Variants in ZNF423 observed in about 807,000 individuals in gnomAD.
ZNF423 encodes Ebf-associated zinc finger protein.
A neutral mutation model predicts 95.8 loss-of-function variants in ZNF423; 12 were observed. That is an observed-to-expected ratio of 0.13 (90% CI 0.08 to 0.20). The LOEUF is 0.20. Among genes scored for constraint, ZNF423 ranks in the 10% least tolerant of loss-of-function variants. The pLI is 1.00. For missense variants in ZNF423, 1,316 were observed against 1,737.1 expected, an observed-to-expected ratio of 0.76 and a Z score of 4.31; for synonymous variants, 749 against 711.9, an observed-to-expected ratio of 1.05 and a Z score of -0.83.
chr16:49,593,600 C>T (rs1360342975), intron 5 of ZNF423, among the ~76,000 whole-genome samples: 2 of 151,802 alleles, frequency 1.3e-5, no homozygotes, highest in African/African-American at 2.4e-5. Context: ...CTTCCAAACT[C>T]TACCCTGACT....
Position 49,637,982 on chromosome 16 carries a change from C to G in ZNF423, c.1194G>C (p.Pro398=), listed in dbSNP as rs61747467. Residue 398 remains proline, a synonymous_variant, in exon 4 of 8, where the codon CCG becomes CCC. Coordinates refer to ENST00000563137, the MANE Select transcript of ZNF423 (RefSeq NM_001379286.1). This position sits in a 1 kb window ranked among gnomAD's most constrained non-coding sequence, Gnocchi z 5.6. ...CCCGCATCTTCTTCTGCCCCCGCAG[C>G]GGCTTCAAGGTGGAGTCCGGGGTGG... ...RGSTPDSTLK[P]LRGQKKMRDD... The G allele has an allele frequency of 3.0e-5, 48 of 1,613,990 alleles. No individual in the cohort carries two copies. In the East Asian group the frequency reaches 8.2e-4, roughly 28 times the overall value.
intron 5 of ZNF423, among the ~76,000 whole-genome samples, chr16:49,536,849 G>A (rs986963231): frequency 2.0e-5 from 3 of 152,200 alleles, no homozygotes; most frequent in East Asian, 3.8e-4. Flanking sequence ...AACTTCATTT[G>A]GAAAGCATTG....
intron 5 of ZNF423, among the ~76,000 whole-genome samples, chr16:49,604,281 G>A (rs964653875): frequency 2.0e-5 from 3 of 152,134 alleles, no homozygotes; most frequent in African/African-American, 7.2e-5. Context: ...TCACCATTGG[G>A]GTCACAGAGG....
intron 5 of ZNF423, among the ~76,000 whole-genome samples, chr16:49,532,378 C>T (rs1448690557): frequency 6.6e-6 from 1 of 152,192 alleles, no homozygotes; most frequent in African/African-American, 2.4e-5. Flanking sequence ...CACCACGCTG[C>T]TCCCATTTTG....
intron 5 of ZNF423, among the ~76,000 whole-genome samples, chr16:49,624,533 A>G (rs987776877): frequency 2.0e-5 from 3 of 152,220 alleles, no homozygotes; most frequent in Non-Finnish European, 2.9e-5. Context: ...AGCCTGGGTG[A>G]CAGAGTGAGA....
At chr16:49,852,247 G>A (rs2035309983) in intron 1 of ZNF423, among the ~76,000 whole-genome samples, 1 of 152,152 alleles carries the variant, frequency 6.6e-6, no homozygotes, top group Non-Finnish European at 1.5e-5. Flanking sequence ...ACGTTGGGGT[G>A]GGCGGGTGTA....
chr16:49,535,452 TG>T (rs1969028161), intron 5 of ZNF423, among the ~76,000 whole-genome samples: 1 of 152,072 alleles, frequency 6.6e-6, no homozygotes, highest in East Asian at 1.9e-4. Flanking sequence ...TCATGACGGG[TG>T]GTCTTTGGCA....
chr16:49,660,294 T>C (rs994800574), intron 3 of ZNF423, among the ~76,000 whole-genome samples: 5 of 152,134 alleles, frequency 3.3e-5, no homozygotes, highest in African/African-American at 1.2e-4. Flanking sequence ...AATGGATGGA[T>C]GGATGGATGA....
chr16:49,561,446 T>C (rs1031827502), intron 5 of ZNF423, among the ~76,000 whole-genome samples: 1 of 152,178 alleles, frequency 6.6e-6, no homozygotes, highest in Non-Finnish European at 1.5e-5. Context: ...ACAGATGACA[T>C]GCACGTACTT....
At chr16:49,721,070 G>C (rs2032852416) in intron 3 of ZNF423, among the ~76,000 whole-genome samples, 1 of 152,244 alleles carries the variant, frequency 6.6e-6, no homozygotes, top group Admixed American at 6.5e-5. Context: ...TGTACACACG[G>C]TGATGGGGTT....
At chr16:49,530,344 C>T (rs1376812961) in intron 5 of ZNF423, among the ~76,000 whole-genome samples, 3 of 152,128 alleles carry the variant, frequency 2.0e-5, no homozygotes, top group African/African-American at 7.2e-5. Flanking sequence ...CACACACCCC[C>T]GTCCTTTCCA....
chr16:49,680,932 GACACCA>G (rs201155575), intron 3 of ZNF423, among the ~76,000 whole-genome samples: 5,542 of 152,294 alleles, frequency 0.036, 157 homozygotes, highest in East Asian at 0.072. Flanking sequence ...AGGATCCTGT[GACACCA>G]ACTTAGGCTC....
chr16:49,709,486 G>A (rs1229031733), intron 3 of ZNF423, among the ~76,000 whole-genome samples: 12 of 152,024 alleles, frequency 7.9e-5, no homozygotes, highest in African/African-American at 2.7e-4. Context: ...GTATGGAAAC[G>A]AGACCATGGT....
At chr16:49,824,021 A>G (rs1241324568) in intron 1 of ZNF423, among the ~76,000 whole-genome samples, 1 of 152,170 alleles carries the variant, frequency 6.6e-6, no homozygotes, top group East Asian at 1.9e-4. Flanking sequence ...TGGAGATTAC[A>G]GTGAGCCATA....
chr16:49,728,108 C>T (rs2033074246), intron 3 of ZNF423, among the ~76,000 whole-genome samples: 1 of 152,156 alleles, frequency 6.6e-6, no homozygotes, highest in Non-Finnish European at 1.5e-5. Context: ...CCAAACACAC[C>T]ACACCATAGC....
intron 1 of ZNF423, among the ~76,000 whole-genome samples, chr16:49,815,881 A>AAAAATATAT (rs1185501557): frequency 2.1e-5 from 1 of 47,610 alleles, no homozygotes; most frequent in African/African-American, 9.9e-5. Flanking sequence ...AAAAAAAAAA[A>AAAAATATAT]ATATATATAT....
intron 1 of ZNF423, among the ~76,000 whole-genome samples, chr16:49,794,323 C>T (rs190968740): frequency 9.0e-4 from 136 of 151,792 alleles, no homozygotes; most frequent in African/African-American, 3.1e-3. Flanking sequence ...CCCACCTTGG[C>T]CTCCTAAAGT....
In ZNF423 at chr16:49,638,819, A is replaced by T; in HGVS notation, c.357T>A (p.Asp119Glu). 6.2e-7 allele frequency: 1 copy of T among 1,613,816 alleles called. No individual in the cohort carries two copies. Among genetic ancestry groups the T allele is most frequent in the Non-Finnish European group, 8.5e-7 (1 of 1,179,806 alleles). The part of the protein sequence containing the change: ...SWVASSPSSK[D>E]VASPTQMIGD... ...CGATCATCTGCGTGGGTGACGCAAC[A>T]TCCTTGCTGGAGGGAGACGAGGCCA... Residue 119 changes from aspartate (D) to glutamate (E), a missense_variant, in exon 4 of 8, where the codon GAT becomes GAA. Physicochemically the swap from Asp to Glu is conservative, Grantham distance 45 (BLOSUM62 2). Coordinates refer to ENST00000563137, the MANE Select transcript of ZNF423 (RefSeq NM_001379286.1). This position sits in a 1 kb window ranked among gnomAD's most constrained non-coding sequence, Gnocchi z 5.6.
intron 2 of ZNF423, among the ~76,000 whole-genome samples, chr16:49,786,381 A>G (rs559180184): frequency 6.6e-6 from 1 of 152,332 alleles, no homozygotes; most frequent in Admixed American, 6.5e-5. Context: ...GCAGTTCTCC[A>G]TCACACACCC....
Sources: gnomAD v4.1 joint callset for allele counts (sites outside exome capture counted in the v4.1 genomes callset) on GRCh38, gnomAD v4.1.1 for gene constraint, Gnocchi (gnomAD v3.1) non-coding constraint, MANE v1.5 for transcripts, NCBI Gene and HGNC (gene_info 2026-07-23, HGNC 2026-07-21) for gene names.